The following SMURF2 variants were observed in gnomAD, a reference collection of about 807,000 sequenced individuals.
SMURF2 encodes the protein E3 ubiquitin-protein ligase SMURF2.
SMURF2 carries 48 observed loss-of-function variants against 109.6 expected under a neutral mutation model. The observed-to-expected ratio is 0.44, with a 90% confidence interval of 0.35 to 0.56. SMURF2 has a LOEUF of 0.56. Among genes scored for constraint, SMURF2 ranks in the 20% least tolerant of loss-of-function variants. The pLI, the probability that SMURF2 is intolerant of heterozygous loss-of-function variation, is 0.01. For synonymous variants in SMURF2, 288 were observed against 317.1 expected, an observed-to-expected ratio of 0.91 and a Z score of 0.97; for missense variants, 575 against 909.0, an observed-to-expected ratio of 0.63 and a Z score of 4.72.
At position 64,662,053 on chromosome 17, in the gene SMURF2, G is replaced by A; in HGVS notation, c.-173C>T. On this transcript the variant is annotated 5_prime_UTR_variant, in exon 1 of 19. Coordinates refer to ENST00000262435, the MANE Select transcript of SMURF2 (RefSeq NM_022739.4). ...GTCGCCATGAGCCGCGGAGGGAGCG[G>A]GACGCCGAGCTCCCCCCTCCTCCCA... 3.6e-6 allele frequency: 4 copies of A among 1,108,130 alleles called. No homozygotes were observed. The allele number at this position is 1,108,130 out of a possible 1,614,324, so 68.6% of individuals were successfully genotyped here.
chr17:64,582,264 A>G (rs1272012229), intron 7 of SMURF2, among the ~76,000 whole-genome samples: 11 of 152,242 alleles, frequency 7.2e-5, no homozygotes, highest in African/African-American at 2.7e-4. Flanking sequence ...GTTCTGTATA[A>G]ATAAAAGTAG....
At chr17:64,585,250 A>T (rs1555686977) in intron 6 of SMURF2, among the ~76,000 whole-genome samples, 1 of 152,228 alleles carries the variant, frequency 6.6e-6, no homozygotes, top group Non-Finnish European at 1.5e-5. Flanking sequence ...ATGACTTTAG[A>T]ATCAAGACAG....
In SMURF2 at chr17:64,544,431, T is replaced by C. The variant is rs1451310722; in HGVS notation, c.*1417A>G. Reference sequence around the variant, plus strand: ...CTTAATTATCATGAAAATTTGCTTATTTCACATCAATGTAAAAAAAAACTG... The same window carrying C: ...CTTAATTATCATGAAAATTTGCTTACTTCACATCAATGTAAAAAAAAACTG... On this transcript the variant is annotated 3_prime_UTR_variant, in exon 19 of 19. Coordinates refer to ENST00000262435, the MANE Select transcript of SMURF2 (RefSeq NM_022739.4). 2.2e-5 allele frequency: 3 copies of C among 137,150 alleles called. No individual in the cohort carries two copies. Among genetic ancestry groups the C allele is most frequent in the African/African-American group, 1.1e-4 (3 of 27,710 alleles). 8.5% of individuals were successfully genotyped at this position (137,150 alleles called of 1,614,324 possible).
chr17:64,601,729 C>A (rs1364719302), intron 2 of SMURF2, among the ~76,000 whole-genome samples: 1 of 151,816 alleles, frequency 6.6e-6, no homozygotes, highest in Non-Finnish European at 1.5e-5. Context: ...AGTCATTATA[C>A]GAAAAAGATA....
In SMURF2 at chr17:64,581,915, C is replaced by T. The variant is rs938104763; in HGVS notation, c.570-924G>A. Among the ~76,000 whole-genome samples, 16 of 150,410 alleles carry T rather than the reference C, an allele frequency of 1.1e-4. No individual in the cohort carries two copies. The highest frequency in any genetic ancestry group is 2.1e-4 in the Non-Finnish European group (14 of 67,660). ...GGCAGAGGTTGCAGTGAGCCGAGAT[C>T]GTACCACTGCACTCTAGCCTAGGCA... On this transcript the variant is annotated intron_variant, in intron 7 of 18. Coordinates refer to ENST00000262435, the MANE Select transcript of SMURF2 (RefSeq NM_022739.4). This position sits in a 1 kb window ranked among gnomAD's most constrained non-coding sequence, Gnocchi z 4.3.
chr17:64,596,585 CAA>C (rs201858792), intron 3 of SMURF2, among the ~76,000 whole-genome samples: 42 of 45,466 alleles, frequency 9.2e-4, no homozygotes, highest in African/African-American at 1.3e-3. Context: ...GGAGAGTAAA[CAA>C]AAAAAAAAAA....
At chr17:64,601,606 T>G (rs1555688581) in intron 2 of SMURF2, among the ~76,000 whole-genome samples, 1 of 152,168 alleles carries the variant, frequency 6.6e-6, no homozygotes, top group Non-Finnish European at 1.5e-5. Flanking sequence ...GGTAGTAATG[T>G]AAACTAGTAC....
intron 1 of SMURF2, among the ~76,000 whole-genome samples, chr17:64,652,308 C>T (rs1555693577): frequency 6.6e-6 from 1 of 152,132 alleles, no homozygotes; most frequent in African/African-American, 2.4e-5. Context: ...AATTAAACAG[C>T]CGCTCCAAAG....
At chr17:64,592,967 C>T (rs1173935282) in intron 4 of SMURF2, 1 of 152,190 alleles carries the variant, frequency 6.6e-6, no homozygotes, top group Admixed American at 6.6e-5. Context: ...ACCATTCTTA[C>T]CCCTTCGTAA....
chr17:64,660,952 T>G (rs1311723430), intron 1 of SMURF2: 1 of 152,102 alleles, frequency 6.6e-6, no homozygotes, highest in Non-Finnish European at 1.5e-5. Context: ...ACTTTGTAAG[T>G]GTAGTCTTCT....
chr17:64,614,015 A>G (rs956449577), intron 1 of SMURF2, among the ~76,000 whole-genome samples: 5 of 151,934 alleles, frequency 3.3e-5, no homozygotes, highest in Admixed American at 2.6e-4. Context: ...CGCAGTTCAC[A>G]GTAGGGTTAA....
At chr17:64,654,449 T>C (rs2144737676) in intron 1 of SMURF2, among the ~76,000 whole-genome samples, 1 of 152,334 alleles carries the variant, frequency 6.6e-6, no homozygotes, top group East Asian at 1.9e-4. Flanking sequence ...GTTCAACTAC[T>C]TATATGTTGG....
At position 64,612,141 on chromosome 17, in the gene SMURF2, T is replaced by G. The variant is rs28587125; in HGVS notation, c.53-5501A>C. 4.9e-3 allele frequency among the ~76,000 whole-genome samples: 745 copies of G among 152,286 alleles called. 4 individuals carry two copies. Among genetic ancestry groups the G allele is most frequent in the African/African-American group, 0.017 (699 of 41,554 alleles). ...TATAAACACTTATCACATTTTACTGTTCTCGTTTAAGTTTGGAATGTTGCT... is the reference window on the plus strand; with the variant it reads ...TATAAACACTTATCACATTTTACTGGTCTCGTTTAAGTTTGGAATGTTGCT... On this transcript the variant is annotated intron_variant, in intron 1 of 18. Transcript: ENST00000262435.
chr17:64,554,249 T>C (rs899345104), intron 15 of SMURF2, among the ~76,000 whole-genome samples: 2 of 152,200 alleles, frequency 1.3e-5, no homozygotes, highest in Non-Finnish European at 2.9e-5. Flanking sequence ...TCCTCCATGA[T>C]GAAACTGGGC....
intron 1 of SMURF2, among the ~76,000 whole-genome samples, chr17:64,611,095 G>A (rs1555689533): frequency 6.6e-6 from 1 of 152,172 alleles, no homozygotes; most frequent in Non-Finnish European, 1.5e-5. Context: ...AAAACTTGAA[G>A]TTCTTCAGGG....
intron 16 of SMURF2, among the ~76,000 whole-genome samples, chr17:64,549,876 G>T (rs1264110745): frequency 2.0e-5 from 3 of 152,160 alleles, no homozygotes; most frequent in Admixed American, 2.0e-4. Flanking sequence ...CTTCTATGGG[G>T]TTCTGAAATA....
In SMURF2 at chr17:64,571,812, C is replaced by A; in HGVS notation, c.1002G>T (p.Leu334Phe). ...CAAAAACTTACTTTAAAACTAAATG[C>A]AAGTTAGCAGACAGCCGAGGATCTG... ...QFTDPRLSAN[L>F]HLVLNRQNQL... The change falls in exon 10 of 19, where the codon TTG becomes TTT. Residue 334 changes from leucine (L) to phenylalanine (F), a missense_variant. Physicochemically the swap from Leu to Phe is conservative, Grantham distance 22 (BLOSUM62 0). Transcript: ENST00000262435. The A allele has an allele frequency of 1.9e-6, 3 of 1,608,046 alleles. No individual in the cohort carries two copies. The East Asian group carries it at 6.7e-5, about 36-fold the overall frequency.
At chr17:64,546,467 C>T (rs1194418545) in intron 17 of SMURF2, 129 bp from the exon 18 acceptor site, 2 of 695,258 alleles carry the variant, frequency 2.9e-6, no homozygotes, top group Non-Finnish European at 4.7e-6. Flanking sequence ...TCCACACATA[C>T]TACCAAAGGG....
At chr17:64,659,823 G>T (rs908195993) in intron 1 of SMURF2, among the ~76,000 whole-genome samples, 21 of 152,222 alleles carry the variant, frequency 1.4e-4, no homozygotes, top group African/African-American at 5.1e-4. Flanking sequence ...TGGCAAAACA[G>T]AAGAGACTCC....
Sources: gnomAD v4.1 joint callset for allele counts (sites outside exome capture counted in the v4.1 genomes callset) on GRCh38, gnomAD v4.1.1 for gene constraint, Gnocchi (gnomAD v3.1) non-coding constraint, MANE v1.5 for transcripts, NCBI Gene and HGNC (gene_info 2026-07-23, HGNC 2026-07-21) for gene names.